The following DDX25 variants were observed in gnomAD, a reference collection of about 807,000 sequenced individuals.
DDX25 encodes DEAD-box helicase 25.
DDX25 carries 70 observed loss-of-function variants against 64.6 expected under a neutral mutation model. The ratio of observed to expected loss-of-function variants is 1.08; its 90% confidence interval spans 0.89 to 1.32. The LOEUF is 1.32. Ranked by LOEUF, DDX25 falls within the 40% of genes most tolerant of loss-of-function variation. The pLI, the probability that DDX25 is intolerant of heterozygous loss-of-function variation, is 0.00. For synonymous variants in DDX25, 211 were observed against 213.3 expected (o/e 0.99, Z 0.09); for missense variants, 587 against 604.4 (o/e 0.97, Z 0.30).
intron 4 of DDX25, among the ~76,000 whole-genome samples, chr11:125,906,474 C>T (rs1238906293): frequency 4.0e-5 from 6 of 151,896 alleles, no homozygotes; most frequent in Non-Finnish European, 8.8e-5. Flanking sequence ...CACCACCACG[C>T]CCAGTTAATT....
Position 125,918,651 on chromosome 11 carries a change from G to C in DDX25, c.1062G>C (p.Leu354Phe). The C allele has an allele frequency of 6.2e-7, 1 of 1,613,646 alleles. No individual in the cohort carries two copies. The highest frequency in any genetic ancestry group is 8.5e-7 in the Non-Finnish European group (1 of 1,179,756). The part of the protein sequence containing the change: ...FCQTRRNAKW[L>F]TVEMIQDGHQ... The stretch of plus-strand genomic sequence containing the variant: ...AGACTCGTCGAAACGCTAAGTGGTT[G>C]ACCGTGGAGATGATACAGGATGGCC... Residue 354 changes from leucine (L) to phenylalanine (F), a missense_variant, in exon 10 of 12, where the codon TTG (leucine) becomes TTC (phenylalanine). Physicochemically the swap from Leu to Phe is conservative, Grantham distance 22. Transcript: ENST00000263576.
At chr11:125,916,917 CAG>C (rs759179116) in intron 8 of DDX25, 95 bp from the exon 9 acceptor site, 33 of 1,193,784 alleles carry the variant, frequency 2.8e-5, no homozygotes, top group African/African-American at 2.3e-4. Context: ...TCACGTGGAA[CAG>C]GGGTGCGTGC....
chr11:125,911,497 C>T lies in DDX25; in HGVS notation c.800+9C>T. The T allele has an allele frequency of 3.1e-6, 5 of 1,612,064 alleles. No individual in the cohort carries two copies. The highest frequency in any genetic ancestry group is 4.2e-6 in the Non-Finnish European group (5 of 1,178,940). On this transcript the variant is annotated intron_variant, in intron 8 of 11. Transcript: ENST00000263576. ...AGTATTCGTATTCAAAGGTAATCTTCAGAGTCTTCCTCTCTTCCTCAGCCT... is the reference window on the plus strand; with the variant it reads ...AGTATTCGTATTCAAAGGTAATCTTTAGAGTCTTCCTCTCTTCCTCAGCCT...
chr11:125,906,970 C>A (rs923385994), intron 4 of DDX25, among the ~76,000 whole-genome samples: 1 of 152,106 alleles, frequency 6.6e-6, no homozygotes, highest in Non-Finnish European at 1.5e-5. Flanking sequence ...GCCAGATTGC[C>A]CCTCTCCATA....
chr11:125,905,120 C>T (rs1021741644), intron 1 of DDX25, 92 bp from the exon 2 acceptor site: 2 of 1,205,714 alleles, frequency 1.7e-6, no homozygotes, highest in Non-Finnish European at 1.2e-6. Flanking sequence ...GGTGTCCTTC[C>T]CTGAATCCCT....
chr11:125,904,327 C>G, upstream of DDX25: 2 of 415,270 alleles, frequency 4.8e-6, no homozygotes, highest in Non-Finnish European at 8.3e-6. Flanking sequence ...GCCCCCCGCC[C>G]CGCTCTCTGC....
Position 125,904,589 on chromosome 11 carries a change from C to A in DDX25, c.63+9C>A. 6.8e-7 allele frequency: 1 copy of A among 1,479,808 alleles called. No individual in the cohort carries two copies. 91.7% of individuals were successfully genotyped at this position (1,479,808 alleles called of 1,614,324 possible). On this transcript the variant is annotated intron_variant, in intron 1 of 11. Transcript: ENST00000263576. ...AGCGGCTGAACAGCCACGTAACCGC[C>A]ACCGAGCCGGGGGGCCACAGCCGCG...
upstream of DDX25, among the ~76,000 whole-genome samples, chr11:125,904,143 G>T (rs1476978389): frequency 6.6e-6 from 1 of 152,224 alleles, no homozygotes; most frequent in Admixed American, 6.5e-5. Context: ...GGCGTAAAGC[G>T]CGGCGGGGAG....
At chr11:125,906,351 A>T (rs1944887425) in intron 4 of DDX25, 142 bp downstream of exon 4, 1 of 1,138,510 alleles carries the variant, frequency 8.8e-7, no homozygotes, top group Admixed American at 3.4e-5. Context: ...ACAGAGTCTC[A>T]CTCTGTCCCC....
At chr11:125,915,155 G>A (rs903818770) in intron 8 of DDX25, among the ~76,000 whole-genome samples, 2 of 152,178 alleles carry the variant, frequency 1.3e-5, no homozygotes, top group African/African-American at 4.8e-5. Flanking sequence ...ATACTCAAGA[G>A]AATATTAAGT....
chr11:125,905,005 G>A (rs1944863107), intron 1 of DDX25, among the ~76,000 whole-genome samples: 1 of 152,184 alleles, frequency 6.6e-6, no homozygotes, highest in African/African-American at 2.4e-5. Flanking sequence ...GAAACTGCAT[G>A]TACAGGGAAT....
chr11:125,918,639 C>T lies in DDX25; in HGVS notation c.1050C>T (p.Asn350=), dbSNP rs370117185. The T allele has an allele frequency of 9.9e-6, 16 of 1,610,696 alleles. No homozygotes were observed. The highest frequency in any genetic ancestry group is 2.7e-5 in the African/African-American group (2 of 74,680). ...QAIIFCQTRR[N]AKWLTVEMIQ... ...GCCTTTTTACATAGACTCGTCGAAACGCTAAGTGGTTGACCGTGGAGATGA... is the reference window on the plus strand; with the variant it reads ...GCCTTTTTACATAGACTCGTCGAAATGCTAAGTGGTTGACCGTGGAGATGA... Residue 350 remains asparagine, a synonymous_variant, in exon 10 of 12, where the codon AAC becomes AAT. Transcript: ENST00000263576.
Position 125,921,248 on chromosome 11 carries a change from G to T in DDX25, c.1259G>T (p.Gly420Val). 1.2e-6 allele frequency: 2 copies of T among 1,613,038 alleles called. No individual in the cohort carries two copies. Among genetic ancestry groups the T allele is most frequent in the Non-Finnish European group, 1.7e-6 (2 of 1,179,634 alleles). The part of the protein sequence containing the change: ...VVNFDLPVKQ[G>V]EEPDYETYLH... ...AACTTTGATCTCCCTGTAAAACAAG[G>T]AGAGGAGCCGGACTATGAGACCTAC... The change falls in exon 11 of 12, where the codon GGA (glycine) becomes GTA (valine). Residue 420 changes from glycine to valine, a missense_variant. Gly to Val is a moderately radical substitution (Grantham distance 109). Coordinates refer to ENST00000263576, the MANE Select transcript of DDX25 (RefSeq NM_013264.5). The surrounding 1 kb of genome is among the most constrained non-coding windows in gnomAD (Gnocchi z 4.1).
chr11:125,913,884 G>T (rs1944999906), intron 8 of DDX25, among the ~76,000 whole-genome samples: 1 of 151,956 alleles, frequency 6.6e-6, no homozygotes, highest in African/African-American at 2.4e-5. Context: ...ATATAAAATA[G>T]AAGAAATAAT....
rs928725958 is a variant in DDX25, at chr11:125,925,538, G to A, written c.*2657G>A. The A allele has an allele frequency of 6.6e-6, 3 of 453,152 alleles. No homozygotes were observed. Among genetic ancestry groups the A allele is most frequent in the African/African-American group, 6.0e-5 (3 of 50,032 alleles). 28.1% of individuals were successfully genotyped at this position (453,152 alleles called of 1,614,324 possible). On this transcript the variant is annotated 3_prime_UTR_variant, in exon 12 of 12. Transcript: ENST00000263576. ...AGGTCATCTCTCTCAGTGCCTGCCT[G>A]AGGACAGAGTAGATAGAGAGGCAAG...
At chr11:125,919,821 G>A (rs1317951536) in intron 10 of DDX25, among the ~76,000 whole-genome samples, 1 of 152,206 alleles carries the variant, frequency 6.6e-6, no homozygotes, top group Non-Finnish European at 1.5e-5. Context: ...TTTCTGCAGT[G>A]ATGGAAATGT....
chr11:125,925,042 T>C lies in DDX25; in HGVS notation c.*2161T>C, dbSNP rs770372217. The C allele has an allele frequency of 2.0e-4, 32 of 162,566 alleles. No homozygotes were observed. The highest frequency in any genetic ancestry group is 3.2e-4 in the Non-Finnish European group (24 of 74,000). 10.1% of individuals were successfully genotyped at this position (162,566 alleles called of 1,614,324 possible). ...TTCCTCATTCACTAATAATTTTTTT[T>C]TAGGTTTTCCATCCTAGTTTTGAAC... On this transcript the variant is annotated 3_prime_UTR_variant, in exon 12 of 12. Transcript: ENST00000263576.
In DDX25 at chr11:125,924,777, G is replaced by A. The variant is rs1479710943; in HGVS notation, c.*1896G>A. The A allele has an allele frequency of 6.6e-6, 1 of 152,396 alleles. No individual in the cohort carries two copies. The highest frequency in any genetic ancestry group is 6.5e-5 in the Admixed American group (1 of 15,294). 9.4% of individuals were successfully genotyped at this position (152,396 alleles called of 1,614,324 possible). Reference sequence around the variant, plus strand: ...CAGGTAGAGCAGTGGTAACGAAGATGGCCGTCCCAGCGGGAGACCCTCAGG... The same window carrying A: ...CAGGTAGAGCAGTGGTAACGAAGATAGCCGTCCCAGCGGGAGACCCTCAGG... On this transcript the variant is annotated 3_prime_UTR_variant, in exon 12 of 12. Coordinates refer to ENST00000263576, the MANE Select transcript of DDX25 (RefSeq NM_013264.5).
chr11:125,906,517 A>AT (rs1944890778), intron 4 of DDX25, among the ~76,000 whole-genome samples: 1 of 151,798 alleles, frequency 6.6e-6, no homozygotes, highest in Non-Finnish European at 1.5e-5. Flanking sequence ...AGATTTGTAC[A>AT]TTTTCCATGC....
Sources: allele counts gnomAD v4.1 joint callset (sites outside exome capture counted in the v4.1 genomes callset), GRCh38; gene constraint gnomAD v4.1.1; non-coding constraint Gnocchi (gnomAD v3.1); transcripts MANE v1.5; gene names NCBI Gene and HGNC (gene_info 2026-07-23, HGNC 2026-07-21).